The following ASB2 variants were observed in gnomAD, a reference collection of about 807,000 sequenced individuals.
ASB2 encodes the protein ankyrin repeat and SOCS box containing 2, also known as ankyrin repeat and SOCS box protein 2.
A neutral mutation model predicts 62.4 loss-of-function variants in ASB2; 58 were observed. That is an observed-to-expected ratio of 0.93 (90% CI 0.75 to 1.16). The LOEUF (loss-of-function observed/expected upper bound fraction) is 1.16, where lower values mean the gene tolerates loss of function less well. Ranked by LOEUF, ASB2 falls within the 50% of genes most tolerant of loss-of-function variation. ASB2 has a pLI of 0.00. For missense variants in ASB2, 928 were observed against 887.9 expected (o/e 1.05, Z -0.57); for synonymous variants, 386 against 385.3 (o/e 1.00, Z -0.02).
At chr14:93,948,291 T>C (rs1269901645) in intron 6 of ASB2, 1 of 154,410 alleles carries the variant, frequency 6.5e-6, no homozygotes, top group African/African-American at 2.4e-5. Context: ...GATGGTCTGA[T>C]GGCAGAGGCC....
At chr14:93,953,980 C>T (rs192972592) in intron 4 of ASB2, among the ~76,000 whole-genome samples, 5 of 152,280 alleles carry the variant, frequency 3.3e-5, no homozygotes, top group Non-Finnish European at 7.4e-5. Flanking sequence ...TAGCCTTGGC[C>T]GGGCACAGGC....
chr14:93,953,494 G>T lies in ASB2; in HGVS notation c.492C>A (p.Thr164=). 6.3e-7 allele frequency: 1 copy of T among 1,590,172 alleles called. No homozygotes were observed. Among genetic ancestry groups the T allele is most frequent in the Non-Finnish European group, 8.6e-7 (1 of 1,162,330 alleles). ...CCTCCTGCAGGGTGCGCTGGTCGAT[G>T]GTCCCTGGGTACGCTAGGGAGGGCC... ...LKVLQRAYPG[T]IDQRTLQEET... is the part of the protein sequence containing the mutation. Residue 164 remains threonine (T), a synonymous_variant, in exon 5 of 10, where the codon ACC becomes ACA. Coordinates refer to ENST00000555019, the MANE Select transcript of ASB2 (RefSeq NM_001202429.2).
In ASB2 at chr14:93,939,462, G is replaced by A; in HGVS notation, c.1263C>T (p.Asn421=). ...GCAGCTCGGTGGCGTACACGTTGTTGTTGACCACCGCGAAGTACAGCGCGG... is the reference window on the plus strand; with the variant it reads ...GCAGCTCGGTGGCGTACACGTTGTTATTGACCACCGCGAAGTACAGCGCGG... ...RSSALYFAVV[N]NNVYATELLL... The change falls in exon 8 of 10, where the codon AAC becomes AAT. Residue 421 remains asparagine, a synonymous_variant. Coordinates refer to ENST00000555019, the MANE Select transcript of ASB2 (RefSeq NM_001202429.2). 1 of 1,612,456 alleles carries A rather than the reference G, an allele frequency of 6.2e-7. No individual in the cohort carries two copies. Among genetic ancestry groups the A allele is most frequent in the Non-Finnish European group, 8.5e-7 (1 of 1,179,754 alleles).
chr14:93,953,894 C>T (rs1038157239), intron 4 of ASB2, among the ~76,000 whole-genome samples: 1 of 152,224 alleles, frequency 6.6e-6, no homozygotes, highest in African/African-American at 2.4e-5. Flanking sequence ...AGTTGCCCTT[C>T]TGAACCTGGC....
At chr14:93,972,998 C>G (rs1292376238) in intron 1 of ASB2, among the ~76,000 whole-genome samples, 1 of 152,202 alleles carries the variant, frequency 6.6e-6, no homozygotes, top group Admixed American at 6.5e-5. Context: ...TTTCAAGCTC[C>G]CGGCTTTCGG....
At position 93,956,864 on chromosome 14, in the gene ASB2, A is replaced by G; in HGVS notation, c.213T>C (p.Thr71=). 1 of 1,614,182 alleles carries G rather than the reference A, an allele frequency of 6.2e-7. No homozygotes were observed. The highest frequency in any genetic ancestry group is 8.5e-7 in the Non-Finnish European group (1 of 1,180,018). Reference sequence around the variant, plus strand: ...GGGCCGGCGAACTCTCAGGAGGTGCAGTGGACCTGGAGGGTGCAGAGCAGG... The same window carrying G: ...GGGCCGGCGAACTCTCAGGAGGTGCGGTGGACCTGGAGGGTGCAGAGCAGG... ...PAHFYPWTRS[T]APPESSPARA... Residue 71 remains threonine, a synonymous_variant, in exon 3 of 10, where the codon ACT becomes ACC. Coordinates refer to ENST00000555019, the MANE Select transcript of ASB2 (RefSeq NM_001202429.2).
At chr14:93,963,142 C>A (rs547671530) in intron 2 of ASB2, among the ~76,000 whole-genome samples, 1 of 152,354 alleles carries the variant, frequency 6.6e-6, no homozygotes, top group South Asian at 2.1e-4. Context: ...GGCTGAGATG[C>A]ACCATCACCC....
chr14:93,951,280 C>T, intron 5 of ASB2, 36 bp from the exon 6 acceptor site: 7 of 1,564,770 alleles, frequency 4.5e-6, no homozygotes, highest in Non-Finnish European at 6.0e-6. Context: ...GTCAGCAGGG[C>T]CTGGCAGGAA....
At position 93,971,346 on chromosome 14, in the gene ASB2, T is replaced by C. The variant is rs563162758; in HGVS notation, c.-74+5088A>G. On this transcript the variant is annotated intron_variant, in intron 1 of 9. Transcript: ENST00000555019. ...TGGATTCTGCACACTCCTTTCAAAT[T>C]CCCCACTCTCCAGGAACCCTCCTGT... Among the ~76,000 whole-genome samples, 4 of 152,136 alleles carry C rather than the reference T, an allele frequency of 2.6e-5. No individual in the cohort carries two copies. In the South Asian group the frequency reaches 8.3e-4, roughly 32 times the overall value.
intron 2 of ASB2, among the ~76,000 whole-genome samples, chr14:93,960,441 C>T (rs1889369288): frequency 6.6e-6 from 1 of 152,368 alleles, no homozygotes; most frequent in East Asian, 1.9e-4. Context: ...GTGCACACAA[C>T]AGCCTCAGCC....
Position 93,973,169 on chromosome 14 carries a change from A to G in ASB2, c.-74+3265T>C, listed in dbSNP as rs191677763. Among the ~76,000 whole-genome samples the G allele has an allele frequency of 4.5e-3, 678 of 152,256 alleles. 2 individuals carry two copies. The highest frequency in any genetic ancestry group is 0.024 in the Middle Eastern group (7 of 294). On this transcript the variant is annotated intron_variant, in intron 1 of 9. Transcript: ENST00000555019. ...CCCCTACATAACCCTGTAGGAGGTGACAACCAGGGATTTGAACCTGTCCAA... is the reference window on the plus strand; with the variant it reads ...CCCCTACATAACCCTGTAGGAGGTGGCAACCAGGGATTTGAACCTGTCCAA...
intron 1 of ASB2, among the ~76,000 whole-genome samples, chr14:93,967,338 C>A (rs1309826410): frequency 1.3e-5 from 2 of 151,242 alleles, no homozygotes; most frequent in East Asian, 3.9e-4. Flanking sequence ...GGTATGACAC[C>A]CTTCTCTTCT....
chr14:93,962,107 CT>C lies in ASB2; in HGVS notation c.206+2226del, dbSNP rs35800977. Reference sequence around the variant, plus strand: ...GGGGAGAAGAATTTCATTAAACATTCTTTTTTTTTTTTTTTTTTTTTTTTTG... The same window carrying C: ...GGGGAGAAGAATTTCATTAAACATTCTTTTTTTTTTTTTTTTTTTTTTTTG... On this transcript the variant is annotated intron_variant, in intron 2 of 9. Transcript: ENST00000555019. 5.2e-3 allele frequency among the ~76,000 whole-genome samples: 377 copies of C among 72,986 alleles called. 1 individual carries two copies. Among genetic ancestry groups the C allele is most frequent in the Middle Eastern group, 0.036 (2 of 56 alleles). The allele number at this position is 72,986 out of a possible 152,430, so 47.9% of individuals were successfully genotyped here. A position where few individuals can be genotyped will look rare whatever the true frequency, so the allele number is the denominator to read the frequency against.
At chr14:93,935,389 C>T (rs1381586000) in intron 9 of ASB2, among the ~76,000 whole-genome samples, 3 of 151,960 alleles carry the variant, frequency 2.0e-5, no homozygotes, top group African/African-American at 7.3e-5. Flanking sequence ...CATCCAGTAA[C>T]GGAGTAATTA....
At chr14:93,974,989 G>A (rs1164978901) in intron 1 of ASB2, among the ~76,000 whole-genome samples, 6 of 152,216 alleles carry the variant, frequency 3.9e-5, no homozygotes, top group African/African-American at 1.4e-4. Flanking sequence ...GGCACCCAGC[G>A]GAGCTGCTGC....
In ASB2 at chr14:93,964,388, G is replaced by C. The variant is rs1159674834; in HGVS notation, c.152C>G (p.Ala51Gly). The change falls in exon 2 of 10, where the codon GCC becomes GGC. Residue 51 changes from alanine (A) to glycine (G), a missense_variant. Physicochemically the swap from Ala to Gly is moderately conservative, Grantham distance 60. Transcript: ENST00000555019. ...DKTRGPTTAE[A>G]TASACTNRQP... Reference sequence around the variant, plus strand: ...GCGGTTGGTACATGCAGACGCGGTGGCCTCAGCAGTGGTTGGGCCCCTTGT... The same window carrying C: ...GCGGTTGGTACATGCAGACGCGGTGCCCTCAGCAGTGGTTGGGCCCCTTGT... The C allele has an allele frequency of 2.0e-6, 3 of 1,536,036 alleles. No homozygotes were observed. Among genetic ancestry groups the C allele is most frequent in the Middle Eastern group, 3.3e-4 (2 of 6,012 alleles).
In ASB2 at chr14:93,957,245, G is replaced by T. The variant is rs969421248; in HGVS notation, c.207-375C>A. ...GTCGGCAGGTCCCAGGATGAAAGGG[G>T]CTCAGGCTCACTGCTGGCCAGGCAG... On this transcript the variant is annotated intron_variant, in intron 2 of 9. Coordinates refer to ENST00000555019, the MANE Select transcript of ASB2 (RefSeq NM_001202429.2). The T allele has an allele frequency of 5.3e-5, 64 of 1,200,914 alleles. 1 individual carries two copies. In the South Asian group the frequency reaches 1.4e-3, roughly 27 times the overall value. The allele number at this position is 1,200,914 out of a possible 1,614,324, so 74.4% of individuals were successfully genotyped here. A position where few individuals can be genotyped will look rare whatever the true frequency, so the allele number is the denominator to read the frequency against.
chr14:93,975,198 C>T (rs1889878985), intron 1 of ASB2, among the ~76,000 whole-genome samples: 1 of 152,268 alleles, frequency 6.6e-6, no homozygotes, highest in Admixed American at 6.5e-5. Flanking sequence ...AAGCCCTCGC[C>T]TCACGAAACA....
intron 2 of ASB2, among the ~76,000 whole-genome samples, chr14:93,962,305 G>A (rs1889441578): frequency 2.6e-5 from 4 of 151,832 alleles, no homozygotes; most frequent in Admixed American, 2.0e-4. Context: ...TAGTAGAGAC[G>A]GGGTTTCACC....
Sources: gnomAD v4.1 joint callset for allele counts (sites outside exome capture counted in the v4.1 genomes callset) on GRCh38, gnomAD v4.1.1 for gene constraint, MANE v1.5 for transcripts, NCBI Gene and HGNC (gene_info 2026-07-23, HGNC 2026-07-21) for gene names.